TUBB6: variants seen among roughly 807,000 people sequenced by gnomAD.
TUBB6 encodes the protein tubulin beta-6 chain.
In TUBB6, 18 loss-of-function variants were observed where a neutral mutation model predicts 32.3. The observed-to-expected ratio is 0.56, with a 90% CI of 0.39 to 0.83. The LOEUF is 0.83. TUBB6 is among the 40% of genes least tolerant of loss of function. The pLI, the probability that TUBB6 is intolerant of heterozygous loss-of-function variation, is 0.00. For synonymous variants in TUBB6, 280 were observed against 265.8 expected (o/e 1.05, Z -0.52); for missense variants, 480 against 632.0 (o/e 0.76, Z 2.58).
intron 3 of TUBB6, among the ~76,000 whole-genome samples, chr18:12,313,711 G>A (rs961560605): frequency 3.3e-5 from 5 of 152,250 alleles, no homozygotes; most frequent in African/African-American, 1.2e-4. Context: ...TGGTGAAGGT[G>A]TTTGGGAAAA....
chr18:12,322,837 T>C (rs1209935813), intron 3 of TUBB6, among the ~76,000 whole-genome samples: 1 of 152,224 alleles, frequency 6.6e-6, no homozygotes, highest in Admixed American at 6.5e-5. Context: ...ATTTAATACT[T>C]TGTAATCACA....
rs1189220413 is a variant in TUBB6 at position 12,326,041 on chromosome 18, C to T, written c.1252C>T (p.Leu418=). ...CGAGGCGGAGAGCAACATGAACGAC[C>T]TGGTATCCGAGTACCAGCAGTACCA... ...FTEAESNMND[L]VSEYQQYQDA... The change falls in exon 4 of 4, where the codon CTG becomes TTG. Residue 418 remains leucine (L), a synonymous_variant. Coordinates refer to ENST00000317702, the MANE Select transcript of TUBB6 (RefSeq NM_032525.3). 6.2e-7 allele frequency: 1 copy of T among 1,614,048 alleles called. No individual in the cohort carries two copies. The highest frequency in any genetic ancestry group is 1.3e-5 in the African/African-American group (1 of 74,928).
At chr18:12,324,697 C>T in intron 3 of TUBB6, 2 of 985,914 alleles carry the variant, frequency 2.0e-6, no homozygotes, top group Non-Finnish European at 2.6e-6. Flanking sequence ...GTGATCCACC[C>T]GCCTCGGCCT....
intron 3 of TUBB6, among the ~76,000 whole-genome samples, chr18:12,323,808 C>G (rs974532564): frequency 1.8e-4 from 25 of 140,488 alleles, no homozygotes; most frequent in Non-Finnish European, 1.6e-5. Context: ...GACTCCGTCT[C>G]AAAAAAAAAA....
chr18:12,308,572 C>T (rs368081665), intron 1 of TUBB6, 115 bp from the exon 2 acceptor site: 3 of 845,862 alleles, frequency 3.5e-6, no homozygotes, highest in Non-Finnish European at 5.5e-6. Flanking sequence ...GAGCGGCTGC[C>T]GGCGGCTCAG....
chr18:12,324,262 C>T (rs1395852509), intron 3 of TUBB6, among the ~76,000 whole-genome samples: 1 of 150,882 alleles, frequency 6.6e-6, no homozygotes, highest in African/African-American at 2.4e-5. Context: ...CCCGGCTACA[C>T]GGGAGGCTGA....
At chr18:12,317,421 T>C (rs1906734024) in intron 3 of TUBB6, among the ~76,000 whole-genome samples, 1 of 152,042 alleles carries the variant, frequency 6.6e-6, no homozygotes, top group Admixed American at 6.6e-5. Context: ...TGAGCGGTGT[T>C]TGCGCCACTG....
intron 3 of TUBB6, among the ~76,000 whole-genome samples, chr18:12,319,132 TCC>T (rs56278705): frequency 0.034 from 336 of 9,920 alleles, 8 homozygotes; most frequent in East Asian, 0.16. Context: ...TTTTCCTTTT[TCC>T]TTTTTTTTTT....
intron 2 of TUBB6, 89 bp downstream of exon 2, chr18:12,308,884 A>G: frequency 4.6e-6 from 4 of 870,000 alleles, no homozygotes; most frequent in South Asian, 4.1e-5. Flanking sequence ...TTGCTTCGGG[A>G]AAAGTTCTCT....
chr18:12,311,489 C>T (rs1448276882), intron 3 of TUBB6, among the ~76,000 whole-genome samples: 2 of 151,956 alleles, frequency 1.3e-5, no homozygotes, highest in East Asian at 1.9e-4. Context: ...CCCAGCTACT[C>T]GGGAGGCTGA....
At chr18:12,323,925 G>A (rs1907118940) in intron 3 of TUBB6, among the ~76,000 whole-genome samples, 1 of 152,126 alleles carries the variant, frequency 6.6e-6, no homozygotes, top group African/African-American at 2.4e-5. Flanking sequence ...CAACTGGCCT[G>A]GAAACAATTT....
intron 3 of TUBB6, among the ~76,000 whole-genome samples, chr18:12,319,226 C>T (rs1422091789): frequency 2.0e-5 from 3 of 151,712 alleles, no homozygotes; most frequent in Admixed American, 2.0e-4. Flanking sequence ...TCACTGCAAC[C>T]TCCACCTCCT....
chr18:12,311,279 C>T, intron 3 of TUBB6: 1 of 399,670 alleles, frequency 2.5e-6, no homozygotes, highest in South Asian at 2.5e-5. Flanking sequence ...AAATGAAATT[C>T]TTCTACTGGT....
At chr18:12,315,552 T>A (rs1412854824) in intron 3 of TUBB6, among the ~76,000 whole-genome samples, 1 of 152,246 alleles carries the variant, frequency 6.6e-6, no homozygotes, top group African/African-American at 2.4e-5. Flanking sequence ...CTTTAAGAAC[T>A]ACTTTATAGG....
In TUBB6 at chr18:12,325,342, G is replaced by T. The variant is rs1339358152; in HGVS notation, c.553G>T (p.Ala185Ser). ...VSDTVVEPYN[A>S]TLSVHQLVEN... ...GGACACGGTGGTGGAGCCCTACAAT[G>T]CCACACTGTCGGTGCACCAGCTGGT... The change falls in exon 4 of 4, where the codon GCC (alanine) becomes TCC (serine). Residue 185 changes from alanine (A) to serine (S), a missense_variant. Ala to Ser is a moderately conservative substitution (Grantham distance 99, BLOSUM62 1). Coordinates refer to ENST00000317702, the MANE Select transcript of TUBB6 (RefSeq NM_032525.3). 1.9e-6 allele frequency: 3 copies of T among 1,614,024 alleles called. No individual in the cohort carries two copies. Among genetic ancestry groups the T allele is most frequent in the Admixed American group, 1.7e-5 (1 of 60,002 alleles).
intron 3 of TUBB6, among the ~76,000 whole-genome samples, chr18:12,323,697 A>G (rs1200299851): frequency 6.6e-6 from 1 of 152,018 alleles, no homozygotes; most frequent in East Asian, 1.9e-4. Context: ...AGTCACAGCT[A>G]CTTGGGAGGC....
chr18:12,317,073 T>C (rs1004232467), intron 3 of TUBB6, among the ~76,000 whole-genome samples: 1 of 149,242 alleles, frequency 6.7e-6, no homozygotes, highest in Non-Finnish European at 1.5e-5. Flanking sequence ...GGAGAATCAC[T>C]GGAACCTGAG....
In TUBB6 at chr18:12,326,215, T is replaced by G; in HGVS notation, c.*85T>G. On this transcript the variant is annotated 3_prime_UTR_variant, in exon 4 of 4. Coordinates refer to ENST00000317702, the MANE Select transcript of TUBB6 (RefSeq NM_032525.3). Reference sequence around the variant, plus strand: ...GTGCCTCCTACCCTATGGCCCTGAATGGTGCACTGGTTTAATTGTGTTGGT... The same window carrying G: ...GTGCCTCCTACCCTATGGCCCTGAAGGGTGCACTGGTTTAATTGTGTTGGT... 6.7e-7 allele frequency: 1 copy of G among 1,492,386 alleles called. No individual in the cohort carries two copies. The highest frequency in any genetic ancestry group is 8.9e-7 in the Non-Finnish European group (1 of 1,120,998). 92.4% of individuals were successfully genotyped at this position (1,492,386 alleles called of 1,614,324 possible). A position where few individuals can be genotyped will look rare whatever the true frequency, so the allele number is the denominator to read the frequency against.
chr18:12,325,719 C>A lies in TUBB6; in HGVS notation c.930C>A (p.Tyr310Ter). Reference sequence around the variant, plus strand: ...CCTGCGATCCGCGCCATGGCCGCTACCTGACCGTGGCCACCGTGTTCCGCG... The same window carrying A: ...CCTGCGATCCGCGCCATGGCCGCTAACTGACCGTGGCCACCGTGTTCCGCG... ...MAACDPRHGR[Y>*]LTVATVFRGP... Residue 310 changes from tyrosine (Y) to a stop codon, truncating the protein, a stop_gained, in exon 4 of 4, where the codon TAC (tyrosine) becomes TAA (stop). Coordinates refer to ENST00000317702, the MANE Select transcript of TUBB6 (RefSeq NM_032525.3). LOFTEE classifies it high-confidence loss of function. 6.2e-7 allele frequency: 1 copy of A among 1,614,224 alleles called. No individual in the cohort carries two copies. The highest frequency in any genetic ancestry group is 8.5e-7 in the Non-Finnish European group (1 of 1,180,054).
Sources: allele counts gnomAD v4.1 joint callset (sites outside exome capture counted in the v4.1 genomes callset), GRCh38; gene constraint gnomAD v4.1.1; transcripts MANE v1.5; gene names NCBI Gene and HGNC (gene_info 2026-07-23, HGNC 2026-07-21).